Variants in ROBO2 observed in about 807,000 individuals in gnomAD.
ROBO2 encodes the protein roundabout guidance receptor 2.
A neutral mutation model predicts 160.8 loss-of-function variants in ROBO2; 53 were observed. That is an observed-to-expected ratio of 0.33 (90% CI 0.26 to 0.41). The LOEUF (loss-of-function observed/expected upper bound fraction) is 0.41, where lower values mean the gene tolerates loss of function less well. ROBO2 is among the 10% of genes least tolerant of loss of function. ROBO2 has a pLI of 1.00. For missense variants in ROBO2, 1,577 were observed against 1,722.4 expected (o/e 0.92, Z 1.49); for synonymous variants, 664 against 611.7 (o/e 1.09, Z -1.26).
chr3:76,583,433 T>C (rs1269709740), intron 2 of ROBO2, among the ~76,000 whole-genome samples: 1 of 152,238 alleles, frequency 6.6e-6, no homozygotes, highest in Non-Finnish European at 1.5e-5. Flanking sequence ...CGGAACATTC[T>C]ACATTGCTGT....
chr3:76,660,169 A>G (rs1412603927), intron 2 of ROBO2, among the ~76,000 whole-genome samples: 2 of 152,158 alleles, frequency 1.3e-5, no homozygotes, highest in African/African-American at 4.8e-5. Flanking sequence ...TTAAAATTGG[A>G]TGTGCATTTT....
chr3:75,996,333 A>G (rs1430592292), intron 2 of ROBO2, among the ~76,000 whole-genome samples: 1 of 152,116 alleles, frequency 6.6e-6, no homozygotes, highest in African/African-American at 2.4e-5. Context: ...ATGAGCTCTC[A>G]TGGTTTCATA....
intron 2 of ROBO2, among the ~76,000 whole-genome samples, chr3:76,996,217 C>A (rs1431044659): frequency 6.6e-6 from 1 of 152,098 alleles, no homozygotes; most frequent in Non-Finnish European, 1.5e-5. Flanking sequence ...GAATCCTTTC[C>A]CCATTTCTTG....
chr3:77,051,067 C>T (rs896550285), intron 1 of ROBO2, among the ~76,000 whole-genome samples: 4 of 151,260 alleles, frequency 2.6e-5, no homozygotes, highest in African/African-American at 7.3e-5. Flanking sequence ...CCTGAACTCA[C>T]AAATCAAGTT....
chr3:76,036,144 A>G (rs1477201831), intron 2 of ROBO2, among the ~76,000 whole-genome samples: 2 of 151,916 alleles, frequency 1.3e-5, no homozygotes, highest in Non-Finnish European at 2.9e-5. Context: ...GGAGGTTAGA[A>G]AGAAATTGGC....
chr3:76,522,446 C>A (rs1024628526), intron 2 of ROBO2, among the ~76,000 whole-genome samples: 3 of 152,198 alleles, frequency 2.0e-5, no homozygotes, highest in East Asian at 1.9e-4. Flanking sequence ...AGAATCAAGG[C>A]AGTATTTGTA....
At chr3:76,842,200 A>C (rs2068345761) in intron 2 of ROBO2, among the ~76,000 whole-genome samples, 1 of 152,212 alleles carries the variant, frequency 6.6e-6, no homozygotes. Flanking sequence ...ATAAGATTGA[A>C]AACGTTATTA....
intron 2 of ROBO2, among the ~76,000 whole-genome samples, chr3:77,450,925 A>ACATTT (rs112376610): frequency 0.074 from 11,267 of 152,026 alleles, 1,255 homozygotes; most frequent in African/African-American, 0.25. Context: ...AAAGAATTGC[A>ACATTT]CATTTCATTG....
At chr3:76,861,379 T>C (rs186894829) in intron 2 of ROBO2, among the ~76,000 whole-genome samples, 5 of 152,324 alleles carry the variant, frequency 3.3e-5, no homozygotes, top group Non-Finnish European at 7.3e-5. Context: ...AAAGCACTTA[T>C]GACAATGCCT....
chr3:76,415,038 G>A (rs1411873048), intron 2 of ROBO2, among the ~76,000 whole-genome samples: 3 of 152,114 alleles, frequency 2.0e-5, no homozygotes, highest in East Asian at 1.9e-4. Flanking sequence ...AAAATAAGAC[G>A]AAAAGACCTC....
chr3:75,955,537 GA>G (rs1433223053), intron 2 of ROBO2, among the ~76,000 whole-genome samples: 1 of 151,520 alleles, frequency 6.6e-6, no homozygotes, highest in Non-Finnish European at 1.5e-5. Context: ...TAATGTAAAT[GA>G]CGAGTTAATG....
chr3:77,121,134 G>A (rs2074722716), intron 2 of ROBO2, among the ~76,000 whole-genome samples: 1 of 151,626 alleles, frequency 6.6e-6, no homozygotes, highest in African/African-American at 2.4e-5. Flanking sequence ...TAGTAGAGAC[G>A]GGGTTTCACC....
chr3:77,564,679 T>C, intron 11 of ROBO2: 3 of 525,768 alleles, frequency 5.7e-6, no homozygotes, highest in Middle Eastern at 5.2e-4. Flanking sequence ...AGGTATTCAT[T>C]TAGTGGGCTG....
At chr3:76,631,720 A>C (rs1446302038) in intron 2 of ROBO2, among the ~76,000 whole-genome samples, 6 of 152,130 alleles carry the variant, frequency 3.9e-5, no homozygotes, top group Admixed American at 6.5e-5. Flanking sequence ...AACTGGCTAT[A>C]GGGCATTGGA....
intron 7 of ROBO2, among the ~76,000 whole-genome samples, chr3:77,546,728 C>T (rs986858652): frequency 6.6e-6 from 1 of 151,954 alleles, no homozygotes; most frequent in Non-Finnish European, 1.5e-5. Flanking sequence ...AAAGTCCAAC[C>T]AAAACCTCTG....
chr3:76,302,450 ATAGT>A (rs1709409005), intron 2 of ROBO2, among the ~76,000 whole-genome samples: 1 of 152,066 alleles, frequency 6.6e-6, no homozygotes, highest in South Asian at 2.1e-4. Flanking sequence ...AACCAATATT[ATAGT>A]ACCCTAGAAG....
intron 1 of ROBO2, among the ~76,000 whole-genome samples, chr3:77,076,697 G>A (rs1397690442): frequency 6.6e-6 from 1 of 152,112 alleles, no homozygotes; most frequent in Non-Finnish European, 1.5e-5. Context: ...GTAGCACTTT[G>A]CATTACAAAT....
At chr3:76,073,002 G>T (rs2068513250) in intron 2 of ROBO2, among the ~76,000 whole-genome samples, 1 of 152,068 alleles carries the variant, frequency 6.6e-6, no homozygotes, top group Non-Finnish European at 1.5e-5. Context: ...TAATTTTTCA[G>T]TGTTCCACAA....
At chr3:76,494,587 T>C (rs2080033914) in intron 2 of ROBO2, among the ~76,000 whole-genome samples, 5 of 152,156 alleles carry the variant, frequency 3.3e-5, no homozygotes, top group Admixed American at 3.3e-4. Flanking sequence ...GGAGGAGATC[T>C]TCCATATGGG....
Sources: allele counts gnomAD v4.1 joint callset (sites outside exome capture counted in the v4.1 genomes callset), GRCh38; gene constraint gnomAD v4.1.1; transcripts MANE v1.5; gene names NCBI Gene and HGNC (gene_info 2026-07-23, HGNC 2026-07-21).